Variants in LSAMP observed in about 807,000 individuals in gnomAD.
LSAMP encodes the protein limbic system associated membrane protein, also known as limbic system-associated membrane protein.
A neutral mutation model predicts 38.6 loss-of-function variants in LSAMP; 7 were observed. That is an observed-to-expected ratio of 0.18 (90% CI 0.10 to 0.34). The LOEUF (loss-of-function observed/expected upper bound fraction) is 0.34. Among genes scored for constraint, LSAMP ranks in the 10% least tolerant of loss-of-function variants. LSAMP has a pLI of 1.00. For synonymous variants in LSAMP, 154 were observed against 166.8 expected, an observed-to-expected ratio of 0.92 and a Z score of 0.59; for missense variants, 313 against 420.0, an observed-to-expected ratio of 0.75 and a Z score of 2.23.
chr3:116,057,967 A>ACCCC (rs1553699986), intron 2 of LSAMP, among the ~76,000 whole-genome samples: 3 of 147,542 alleles, frequency 2.0e-5, no homozygotes, highest in African/African-American at 7.5e-5. Context: ...CCACACACAC[A>ACCCC]CACACACACA....
intron 1 of LSAMP, among the ~76,000 whole-genome samples, chr3:116,172,432 A>C (rs956989437): frequency 5.9e-5 from 9 of 151,714 alleles, no homozygotes; most frequent in Non-Finnish European, 1.3e-4. Flanking sequence ...GGGGTTGAGA[A>C]TATCTATAGA....
At chr3:116,252,235 G>A (rs984593449) in intron 1 of LSAMP, among the ~76,000 whole-genome samples, 70 of 152,188 alleles carry the variant, frequency 4.6e-4, no homozygotes, top group African/African-American at 1.6e-3. Context: ...AGGCCACATT[G>A]ATGGTACCCA....
chr3:116,023,031 C>CTCATGTTCTGTTGTTTATG, intron 2 of LSAMP, among the ~76,000 whole-genome samples: 3 of 151,978 alleles, frequency 2.0e-5, no homozygotes, highest in African/African-American at 7.2e-5. Flanking sequence ...AAAATTGATC[C>CTCATGTTCTGTTGTTTATG]TCATGTTCTG....
At chr3:116,155,594 T>C (rs1178790347) in intron 1 of LSAMP, among the ~76,000 whole-genome samples, 2 of 151,934 alleles carry the variant, frequency 1.3e-5, no homozygotes, top group Non-Finnish European at 2.9e-5. Flanking sequence ...AAGTACTTGA[T>C]AAGTATTTAA....
intron 1 of LSAMP, among the ~76,000 whole-genome samples, chr3:116,172,389 T>C (rs1029072359): frequency 4.6e-5 from 7 of 151,960 alleles, no homozygotes; most frequent in African/African-American, 1.7e-4. Context: ...TTAAGTTCTT[T>C]TACCGTAATT....
chr3:116,416,089 G>A (rs1234446873), intron 1 of LSAMP, among the ~76,000 whole-genome samples: 1 of 152,118 alleles, frequency 6.6e-6, no homozygotes, highest in African/African-American at 2.4e-5. Flanking sequence ...TATTTCCATA[G>A]ATGAAAACTT....
intron 4 of LSAMP, among the ~76,000 whole-genome samples, chr3:115,849,477 AT>A (rs35488561): frequency 0.36 from 54,439 of 149,212 alleles, 10,271 homozygotes; most frequent in African/African-American, 0.48. Flanking sequence ...TAGCCCTGAG[AT>A]TTTTTTTTTT....
chr3:115,990,497 G>T (rs1464378226), intron 3 of LSAMP, among the ~76,000 whole-genome samples: 1 of 151,964 alleles, frequency 6.6e-6, no homozygotes, highest in Non-Finnish European at 1.5e-5. Context: ...ATGTGTAAGA[G>T]AAGTTTCCTC....
At chr3:115,817,543 C>A (rs915623528) in intron 6 of LSAMP, among the ~76,000 whole-genome samples, 1 of 152,070 alleles carries the variant, frequency 6.6e-6, no homozygotes, top group African/African-American at 2.4e-5. Flanking sequence ...GTCAAGTAAA[C>A]CACAATGCTC....
chr3:115,900,254 C>T (rs1043325280), intron 3 of LSAMP, among the ~76,000 whole-genome samples: 3 of 152,110 alleles, frequency 2.0e-5, no homozygotes, highest in African/African-American at 7.2e-5. Flanking sequence ...GTGGCTCATG[C>T]CTGTAATACC....
At chr3:116,147,038 T>A (rs1420157929) in intron 1 of LSAMP, among the ~76,000 whole-genome samples, 1 of 151,898 alleles carries the variant, frequency 6.6e-6, no homozygotes, top group Non-Finnish European at 1.5e-5. Context: ...GATCATCATC[T>A]TCCTTAATTC....
intron 1 of LSAMP, among the ~76,000 whole-genome samples, chr3:116,404,265 G>A (rs1269727150): frequency 1.3e-5 from 2 of 152,050 alleles, no homozygotes; most frequent in African/African-American, 4.8e-5. Context: ...CAAGTTTAAG[G>A]ATCTATTTAT....
chr3:115,864,128 T>C (rs1298124629), intron 3 of LSAMP, among the ~76,000 whole-genome samples: 1 of 152,210 alleles, frequency 6.6e-6, no homozygotes, highest in African/African-American at 2.4e-5. Context: ...GACTTGAGCC[T>C]GGCCAATTGT....
chr3:116,149,769 T>C lies in LSAMP; in HGVS notation c.156-63213A>G, dbSNP rs151108302. Among the ~76,000 whole-genome samples the C allele has an allele frequency of 1.5e-3, 227 of 152,030 alleles. 1 individual carries two copies. The highest frequency in any genetic ancestry group is 1.0e-2 in the Admixed American group (152 of 15,258). The stretch of plus-strand genomic sequence containing the variant: ...GACTTTGTTGTAATGGTGATGTACT[T>C]CTTTTTTGATGGAGCTCTTGAATAA... On this transcript the variant is annotated intron_variant, in intron 1 of 6. Coordinates refer to ENST00000490035, the MANE Select transcript of LSAMP (RefSeq NM_002338.5).
At chr3:116,115,858 A>G (rs1708730683) in intron 1 of LSAMP, among the ~76,000 whole-genome samples, 1 of 151,392 alleles carries the variant, frequency 6.6e-6, no homozygotes, top group Non-Finnish European at 1.5e-5. Flanking sequence ...TTTTTTTCCT[A>G]CTTGGATTTT....
chr3:116,002,376 A>T (rs1251597971), intron 3 of LSAMP, among the ~76,000 whole-genome samples: 1 of 152,210 alleles, frequency 6.6e-6, no homozygotes, highest in African/African-American at 2.4e-5. Context: ...GACACTGGAG[A>T]ACACACGGGG....
At chr3:116,074,962 G>A (rs1265923944) in intron 2 of LSAMP, among the ~76,000 whole-genome samples, 10 of 147,126 alleles carry the variant, frequency 6.8e-5, no homozygotes, top group Admixed American at 1.4e-4. Flanking sequence ...TCAGCCTCCC[G>A]AGTAGCTGGA....
At chr3:116,087,964 G>A (rs1478256500) in intron 1 of LSAMP, among the ~76,000 whole-genome samples, 1 of 149,510 alleles carries the variant, frequency 6.7e-6, no homozygotes, top group African/African-American at 2.5e-5. Context: ...CCTGATCATA[G>A]CTCACTGCAG....
intron 1 of LSAMP, among the ~76,000 whole-genome samples, chr3:116,284,300 CA>C (rs1223584324): frequency 1.3e-5 from 2 of 152,068 alleles, no homozygotes; most frequent in African/African-American, 2.4e-5. Flanking sequence ...AGTTCTATGC[CA>C]AAAAATAATG....
Sources: allele counts gnomAD v4.1 joint callset (sites outside exome capture counted in the v4.1 genomes callset), GRCh38; gene constraint gnomAD v4.1.1; transcripts MANE v1.5; gene names NCBI Gene and HGNC (gene_info 2026-07-23, HGNC 2026-07-21).